ZNF362: variants seen among roughly 807,000 people sequenced by gnomAD.
ZNF362 encodes the protein zinc finger protein 362, also known as rotund homolog.
ZNF362 carries 11 observed loss-of-function variants against 42.9 expected under a neutral mutation model. The ratio of observed to expected loss-of-function variants is 0.26; its 90% CI spans 0.16 to 0.42. The LOEUF (loss-of-function observed/expected upper bound fraction) is 0.42. ZNF362 is among the 20% of genes least tolerant of loss of function. The pLI is 1.00. For missense variants in ZNF362, 362 were observed against 576.2 expected (o/e 0.63, Z 3.81); for synonymous variants, 255 against 257.3 (o/e 0.99, Z 0.09).
At chr1:33,147,107 T>G in the ZNF362 span, 2 of 1,543,710 alleles carry the variant, frequency 1.3e-6, no homozygotes, top group South Asian at 1.2e-5. The surrounding 1 kb of genome is among the most constrained non-coding windows in gnomAD (Gnocchi z 8.1). Flanking sequence ...AGTCCAGGTC[T>G]TCTATCTCCT....
intron 6 of ZNF362, among the ~76,000 whole-genome samples, chr1:33,292,605 C>T (rs12726791): frequency 0.17 from 25,753 of 152,162 alleles, 2,705 homozygotes; most frequent in South Asian, 0.26. Context: ...GGGAGGATTC[C>T]CTCTTTTTCT....
the ZNF362 span, among the ~76,000 whole-genome samples, chr1:33,162,694 G>A: frequency 6.6e-6 from 1 of 152,168 alleles, no homozygotes; most frequent in South Asian, 2.1e-4. Flanking sequence ...GGGAGGGAAA[G>A]GGGGGAAGGC....
the ZNF362 span, among the ~76,000 whole-genome samples, chr1:33,188,149 C>T: frequency 1.3e-5 from 2 of 151,922 alleles, no homozygotes; most frequent in African/African-American, 4.8e-5. Flanking sequence ...CAAGAGAATC[C>T]CTTGAACCCA....
the ZNF362 span, among the ~76,000 whole-genome samples, chr1:33,173,257 C>T: frequency 1.3e-5 from 2 of 152,216 alleles, no homozygotes; most frequent in Admixed American, 1.3e-4. Context: ...CTTCTAGGGT[C>T]TCCCACCAGC....
At chr1:33,173,614 C>A in the ZNF362 span, among the ~76,000 whole-genome samples, 1 of 151,952 alleles carries the variant, frequency 6.6e-6, no homozygotes, top group Admixed American at 6.6e-5. Context: ...ACTCAGATAA[C>A]CTGAGTTCAA....
chr1:33,159,587 G>T, the ZNF362 span: 3 of 1,438,040 alleles, frequency 2.1e-6, no homozygotes, highest in South Asian at 1.4e-5. The surrounding 1 kb of genome is among the most constrained non-coding windows in gnomAD (Gnocchi z 4.2). Context: ...TTGAATGAAA[G>T]AATTCTCTGC....
At chr1:33,157,380 G>A in the ZNF362 span, among the ~76,000 whole-genome samples, 16 of 152,164 alleles carry the variant, frequency 1.1e-4, no homozygotes, top group South Asian at 2.1e-4. Flanking sequence ...AGATACCTAC[G>A]TGGCTCACTC....
the ZNF362 span, among the ~76,000 whole-genome samples, chr1:33,222,717 A>G: frequency 2.0e-5 from 3 of 152,162 alleles, no homozygotes; most frequent in Admixed American, 1.3e-4. Flanking sequence ...AAGAACCTAC[A>G]TCTTCACATG....
the ZNF362 span, among the ~76,000 whole-genome samples, chr1:33,239,544 G>T: frequency 2.0e-5 from 3 of 152,270 alleles, no homozygotes; most frequent in East Asian, 3.9e-4. Flanking sequence ...GGCTGGGGAG[G>T]CTTCAGGAAA....
At chr1:33,287,039 C>T (rs549818343) in intron 6 of ZNF362, among the ~76,000 whole-genome samples, 27 of 152,162 alleles carry the variant, frequency 1.8e-4, no homozygotes, top group Admixed American at 5.2e-4. Flanking sequence ...TGGCCTGCAG[C>T]GTGAAAGGAA....
chr1:33,238,643 T>C, the ZNF362 span, among the ~76,000 whole-genome samples: 2 of 152,118 alleles, frequency 1.3e-5, no homozygotes, highest in South Asian at 4.1e-4. Context: ...ACTTCATATG[T>C]TAAAGCCCTA....
chr1:33,227,999 G>T, the ZNF362 span, among the ~76,000 whole-genome samples: 5 of 152,256 alleles, frequency 3.3e-5, no homozygotes, highest in Admixed American at 2.6e-4. Flanking sequence ...TTGTGAAAAG[G>T]GCTCAGGTTT....
chr1:33,256,156 C>T (rs1645787400), upstream of ZNF362, among the ~76,000 whole-genome samples: 1 of 148,728 alleles, frequency 6.7e-6, no homozygotes, highest in Admixed American at 6.7e-5. Context: ...GGGCGCAGCG[C>T]AACTTTGCCA....
chr1:33,280,505 T>C lies in ZNF362; in HGVS notation c.683+48T>C, dbSNP rs200175048. The stretch of plus-strand genomic sequence containing the variant: ...GTCCGAGTGGGCTTGGGGCTGGGGC[T>C]TGAGCCAGGGCTGCTCCAGGAGCCC... On this transcript the variant is annotated intron_variant, in intron 5 of 8. Transcript: ENST00000539719. The surrounding 1 kb of genome is among the most constrained non-coding windows in gnomAD (Gnocchi z 5.6). 1 of 1,501,608 alleles carries C rather than the reference T, an allele frequency of 6.7e-7. No homozygotes were observed. Among genetic ancestry groups the C allele is most frequent in the East Asian group, 2.5e-5 (1 of 40,608 alleles). 93.0% of individuals were successfully genotyped at this position (1,501,608 alleles called of 1,614,324 possible). A position where few individuals can be genotyped will look rare whatever the true frequency, so the allele number is the denominator to read the frequency against.
At chr1:33,292,382 G>T (rs12725241) in intron 6 of ZNF362, among the ~76,000 whole-genome samples, 1 of 152,048 alleles carries the variant, frequency 6.6e-6, no homozygotes. Flanking sequence ...ATTGATTTGC[G>T]TATGTTGAAC....
the ZNF362 span, among the ~76,000 whole-genome samples, chr1:33,240,043 T>C: frequency 6.6e-6 from 1 of 152,012 alleles, no homozygotes; most frequent in African/African-American, 2.4e-5. Context: ...GAAATGAGAG[T>C]TGGAAAATCA....
Position 33,284,763 on chromosome 1 carries a change from T to C in ZNF362, c.908+2952T>C, listed in dbSNP as rs377458134. Among the ~76,000 whole-genome samples, 6 of 152,266 alleles carry C rather than the reference T, an allele frequency of 3.9e-5. No homozygotes were observed. The South Asian group carries it at 8.3e-4, about 21-fold the overall frequency. ...AGAAAAAAAAAGACCTTTAGAAAAT[T>C]AGAACATTAAGGGTGAAATCAGTTT... On this transcript the variant is annotated intron_variant, in intron 6 of 8. Coordinates refer to ENST00000539719, the MANE Select transcript of ZNF362 (RefSeq NM_152493.3).
chr1:33,184,863 CTCTGCCTCCCAGG>C, the ZNF362 span, among the ~76,000 whole-genome samples: 1 of 152,194 alleles, frequency 6.6e-6, no homozygotes, highest in Non-Finnish European at 1.5e-5. Flanking sequence ...TCACTGCAAC[CTCTGCCTCCCAGG>C]TCCAAGTGAT....
At chr1:33,250,441 A>G in the ZNF362 span, among the ~76,000 whole-genome samples, 5 of 152,242 alleles carry the variant, frequency 3.3e-5, no homozygotes, top group Non-Finnish European at 5.9e-5. Flanking sequence ...TTGTATGGAC[A>G]TAGATGGAGC....
Sources: gnomAD v4.1 joint callset for allele counts (sites outside exome capture counted in the v4.1 genomes callset) on GRCh38, gnomAD v4.1.1 for gene constraint, Gnocchi (gnomAD v3.1) non-coding constraint, MANE v1.5 for transcripts, NCBI Gene and HGNC (gene_info 2026-07-23, HGNC 2026-07-21) for gene names.